OXR1: variants seen among roughly 807,000 people sequenced by gnomAD.
OXR1 encodes the protein oxidation resistance 1, also known as oxidation resistance protein 1.
Under a neutral mutation model 104.6 loss-of-function variants are expected in OXR1, and 41 were observed. The ratio of observed to expected loss-of-function variants is 0.39; its 90% CI spans 0.31 to 0.51. The LOEUF (loss-of-function observed/expected upper bound fraction) is 0.51. Ranked by LOEUF, OXR1 falls within the 20% of genes least tolerant of loss-of-function variation. The probability of loss-of-function intolerance (pLI) is 0.77; values close to 1 mark genes in which losing one functional copy is unlikely to be tolerated. For missense variants in OXR1, 955 were observed against 1,031.9 expected (o/e 0.93, Z 1.02); for synonymous variants, 348 against 348.4 (o/e 1.00, Z 0.01).
chr8:106,338,898 C>G (rs1345467109), intron 1 of OXR1, among the ~76,000 whole-genome samples: 2 of 152,082 alleles, frequency 1.3e-5, no homozygotes, highest in African/African-American at 4.8e-5. Flanking sequence ...TTAATTTACC[C>G]TCTGGTCCCT....
chr8:106,331,810 A>G (rs1185129985), intron 1 of OXR1, among the ~76,000 whole-genome samples: 3 of 151,906 alleles, frequency 2.0e-5, no homozygotes, highest in Non-Finnish European at 4.4e-5. Context: ...GCATGGTGGC[A>G]TGCACCTGTA....
At chr8:106,633,974 A>G (rs917795739) in intron 3 of OXR1, among the ~76,000 whole-genome samples, 2 of 152,226 alleles carry the variant, frequency 1.3e-5, no homozygotes, top group Non-Finnish European at 2.9e-5. Context: ...AAAAGGCTAC[A>G]TAATTCATAT....
chr8:106,483,126 T>C (rs1453435666), intron 2 of OXR1, among the ~76,000 whole-genome samples: 1 of 152,002 alleles, frequency 6.6e-6, no homozygotes, highest in Non-Finnish European at 1.5e-5. Context: ...TATTGGATAT[T>C]GTAAAGCAAA....
intron 7 of OXR1, chr8:106,697,642 C>T (rs1393095373): frequency 1.2e-6 from 2 of 1,613,838 alleles, no homozygotes; most frequent in Non-Finnish European, 1.7e-6. Flanking sequence ...CCGCTGCACA[C>T]AGGCCATGTT....
chr8:106,396,989 A>C (rs555679902), intron 2 of OXR1, among the ~76,000 whole-genome samples: 4 of 151,780 alleles, frequency 2.6e-5, no homozygotes, highest in Admixed American at 2.6e-4. Flanking sequence ...GCAAGGAAAA[A>C]CCCCCAGCAA....
intron 3 of OXR1, among the ~76,000 whole-genome samples, chr8:106,678,930 G>T (rs1827868973): frequency 6.6e-6 from 1 of 151,956 alleles, no homozygotes; most frequent in Non-Finnish European, 1.5e-5. Flanking sequence ...GAAATAAATT[G>T]TAATTTAGTT....
chr8:106,662,498 A>T (rs1382305948), intron 3 of OXR1, among the ~76,000 whole-genome samples: 1 of 152,328 alleles, frequency 6.6e-6, no homozygotes, highest in South Asian at 2.1e-4. Context: ...CACTTTTGAT[A>T]ATCATGGAAA....
intron 9 of OXR1, among the ~76,000 whole-genome samples, chr8:106,708,278 A>G (rs1428093724): frequency 5.9e-5 from 9 of 152,142 alleles, no homozygotes; most frequent in Admixed American, 3.3e-4. Context: ...GCACACCTGT[A>G]GGCCCAACTA....
At chr8:106,513,764 A>G (rs1426549751) in intron 2 of OXR1, among the ~76,000 whole-genome samples, 4 of 152,176 alleles carry the variant, frequency 2.6e-5, no homozygotes, top group Non-Finnish European at 5.9e-5. Context: ...TTGCATTTAT[A>G]GAGAGCTTCC....
chr8:106,697,460 G>A (rs1830156225), intron 7 of OXR1: 1 of 1,581,202 alleles, frequency 6.3e-7, no homozygotes, highest in African/African-American at 1.3e-5. Context: ...AGCCAGTCAT[G>A]CCTGCCTGAG....
At chr8:106,446,604 C>T (rs1271663095) in intron 2 of OXR1, among the ~76,000 whole-genome samples, 1 of 150,242 alleles carries the variant, frequency 6.7e-6, no homozygotes, top group African/African-American at 2.5e-5. Context: ...GGCAACAGAG[C>T]AAGACTCCAT....
intron 15 of OXR1, among the ~76,000 whole-genome samples, chr8:106,743,901 A>G (rs757298261): frequency 7.9e-5 from 12 of 152,232 alleles, no homozygotes; most frequent in African/African-American, 2.2e-4. Flanking sequence ...CATATACACC[A>G]TGGAATACAC....
At chr8:106,320,666 A>C (rs899621030) in intron 1 of OXR1, among the ~76,000 whole-genome samples, 1 of 134,948 alleles carries the variant, frequency 7.4e-6, no homozygotes, top group Non-Finnish European at 1.5e-5. Context: ...TTTTTCTCTC[A>C]TTCTTCTTTT....
At chr8:106,427,156 T>G (rs972116673) in intron 2 of OXR1, among the ~76,000 whole-genome samples, 4 of 152,008 alleles carry the variant, frequency 2.6e-5, no homozygotes, top group African/African-American at 9.7e-5. Flanking sequence ...GACTCATCTC[T>G]CCTCATGAAT....
chr8:106,532,973 A>G (rs1475779091), intron 3 of OXR1, among the ~76,000 whole-genome samples: 1 of 152,226 alleles, frequency 6.6e-6, no homozygotes, highest in Non-Finnish European at 1.5e-5. Context: ...ATTGCTATTA[A>G]TTAAATCCAT....
intron 3 of OXR1, among the ~76,000 whole-genome samples, chr8:106,527,423 G>C (rs1414800418): frequency 6.6e-6 from 1 of 152,096 alleles, no homozygotes; most frequent in Non-Finnish European, 1.5e-5. Context: ...TTACTCTATA[G>C]ATCTTTCATA....
chr8:106,723,687 CAAACA>C (rs1266025055), intron 11 of OXR1, among the ~76,000 whole-genome samples: 2 of 151,772 alleles, frequency 1.3e-5, no homozygotes, highest in African/African-American at 4.8e-5. Context: ...AAAAAACAAA[CAAACA>C]AAAAACCTCT....
In OXR1 at chr8:106,706,780, C is replaced by G; in HGVS notation, c.1259C>G (p.Ala420Gly). Residue 420 changes from alanine to glycine, a missense_variant, in exon 9 of 17, where the codon GCC (alanine) becomes GGC (glycine). Coordinates refer to ENST00000517566, the MANE Select transcript of OXR1 (RefSeq NM_001198533.2). The stretch of plus-strand genomic sequence containing the variant: ...ACTGATTTAAATAATCTTGAAATGG[C>G]CATTAAGGAAGATCAGATTGCAGAT... ...HKTDLNNLEM[A>G]IKEDQIADNF... 1 of 1,612,080 alleles carries G rather than the reference C, an allele frequency of 6.2e-7. No homozygotes were observed. The highest frequency in any genetic ancestry group is 8.5e-7 in the Non-Finnish European group (1 of 1,179,364).
intron 3 of OXR1, among the ~76,000 whole-genome samples, chr8:106,556,564 C>A (rs771772940): frequency 6.6e-6 from 1 of 152,128 alleles, no homozygotes; most frequent in Non-Finnish European, 1.5e-5. Context: ...TTTGCTTCAT[C>A]TGGGAAACAG....
Sources: gnomAD v4.1 joint callset for allele counts (sites outside exome capture counted in the v4.1 genomes callset) on GRCh38, gnomAD v4.1.1 for gene constraint, MANE v1.5 for transcripts, NCBI Gene and HGNC (gene_info 2026-07-23, HGNC 2026-07-21) for gene names.